The following SH3RF1 variants were observed in gnomAD, a reference collection of about 807,000 sequenced individuals.
The protein encoded by SH3RF1 is SH3 domain containing ring finger 1, also known as E3 ubiquitin-protein ligase SH3RF1.
In SH3RF1, 32 loss-of-function variants were observed where a neutral mutation model predicts 74.0. The observed-to-expected ratio is 0.43, with a 90% CI of 0.33 to 0.58. SH3RF1 has a LOEUF of 0.58. SH3RF1 is among the 20% of genes least tolerant of loss of function. The pLI is 0.05. For synonymous variants in SH3RF1, 396 were observed against 439.6 expected, an observed-to-expected ratio of 0.90 and a Z score of 1.24; for missense variants, 954 against 1,130.9, an observed-to-expected ratio of 0.84 and a Z score of 2.24.
At chr4:169,232,246 G>A (rs368748546) in intron 2 of SH3RF1, among the ~76,000 whole-genome samples, 20 of 152,300 alleles carry the variant, frequency 1.3e-4, no homozygotes, top group African/African-American at 3.8e-4. Context: ...TTTTAAAAGG[G>A]AATGATGTTC....
intron 2 of SH3RF1, among the ~76,000 whole-genome samples, chr4:169,234,538 T>C (rs1216848199): frequency 6.6e-6 from 1 of 152,226 alleles, no homozygotes; most frequent in East Asian, 1.9e-4. Flanking sequence ...GATATCCTAA[T>C]AGCTGCTTTC....
At chr4:169,212,555 A>G (rs1259664348) in intron 2 of SH3RF1, among the ~76,000 whole-genome samples, 2 of 152,232 alleles carry the variant, frequency 1.3e-5, no homozygotes, top group East Asian at 3.9e-4. Flanking sequence ...ACTCTTTTAC[A>G]GCAGTTTTAG....
At chr4:169,180,069 A>G (rs906230322) in intron 2 of SH3RF1, among the ~76,000 whole-genome samples, 4 of 152,230 alleles carry the variant, frequency 2.6e-5, no homozygotes, top group Non-Finnish European at 4.4e-5. Context: ...AAGCAGAAAC[A>G]AAAGAAAAAA....
intron 2 of SH3RF1, among the ~76,000 whole-genome samples, chr4:169,216,043 A>G (rs532339245): frequency 1.3e-5 from 2 of 152,252 alleles, no homozygotes; most frequent in South Asian, 4.2e-4. Context: ...AGCTCAAGAG[A>G]TCTGCCCACC....
At chr4:169,126,773 T>G (rs945276591) in intron 6 of SH3RF1, among the ~76,000 whole-genome samples, 1 of 152,024 alleles carries the variant, frequency 6.6e-6, no homozygotes, top group South Asian at 2.1e-4. Flanking sequence ...TTTTTTTTTG[T>G]AGAGACAGGG....
At chr4:169,165,145 A>C (rs1418193306) in intron 2 of SH3RF1, among the ~76,000 whole-genome samples, 1 of 152,218 alleles carries the variant, frequency 6.6e-6, no homozygotes, top group Non-Finnish European at 1.5e-5. Flanking sequence ...ATTTCCTGGG[A>C]AAAGGTCAAG....
At chr4:169,103,015 G>A (rs934793911) in intron 11 of SH3RF1, among the ~76,000 whole-genome samples, 9 of 133,776 alleles carry the variant, frequency 6.7e-5, no homozygotes, top group African/African-American at 1.4e-4. Context: ...TCCACCTCCC[G>A]GGTTCAAGCA....
chr4:169,121,967 T>C, intron 7 of SH3RF1, 133 bp downstream of exon 7: 1 of 1,165,992 alleles, frequency 8.6e-7, no homozygotes, highest in Non-Finnish European at 1.2e-6. Flanking sequence ...AGGTAGAAGT[T>C]TGCAGGACAC....
intron 5 of SH3RF1, among the ~76,000 whole-genome samples, chr4:169,132,173 T>G (rs941944826): frequency 3.9e-5 from 6 of 152,218 alleles, no homozygotes; most frequent in African/African-American, 1.4e-4. Context: ...TAACAGACAT[T>G]ATTATCAAGG....
intron 2 of SH3RF1, among the ~76,000 whole-genome samples, chr4:169,261,419 AG>A (rs1412511819): frequency 6.6e-6 from 1 of 152,200 alleles, no homozygotes; most frequent in Admixed American, 6.5e-5. Flanking sequence ...ATGAGGTCCC[AG>A]GGAAAATGTT....
chr4:169,242,225 T>C (rs937047753), intron 2 of SH3RF1, among the ~76,000 whole-genome samples: 1 of 152,188 alleles, frequency 6.6e-6, no homozygotes, highest in African/African-American at 2.4e-5. Context: ...CAATCATTGA[T>C]CTGATGTATA....
chr4:169,165,260 G>A (rs902115595), intron 2 of SH3RF1, among the ~76,000 whole-genome samples: 1 of 152,108 alleles, frequency 6.6e-6, no homozygotes, highest in Non-Finnish European at 1.5e-5. Context: ...GAGCTAAATA[G>A]GGAGGAATGA....
chr4:169,117,553 C>T lies in SH3RF1; in HGVS notation c.1747G>A (p.Val583Ile). The change falls in exon 9 of 12, where the codon GTC becomes ATC. Residue 583 changes from valine to isoleucine, a missense_variant. By Grantham distance (29) the Val-to-Ile change is conservative. Transcript: ENST00000284637. Reference sequence around the variant, plus strand: ...CTCACAGCATTGCGGGCCTGGTTGACTGTCATTTGCCCCGTCATGTGCAAC... The same window carrying T: ...CTCACAGCATTGCGGGCCTGGTTGATTGTCATTTGCCCCGTCATGTGCAAC... Reference protein sequence around the residue: ...VLLHMTGQMTVNQARNAVRTV... With the variant: ...VLLHMTGQMTINQARNAVRTV... 2 of 1,614,262 alleles carry T rather than the reference C, an allele frequency of 1.2e-6. No individual in the cohort carries two copies. The highest frequency in any genetic ancestry group is 1.7e-6 in the Non-Finnish European group (2 of 1,180,054).
chr4:169,267,316 CTAAT>C (rs1731369402), intron 2 of SH3RF1, among the ~76,000 whole-genome samples: 1 of 152,174 alleles, frequency 6.6e-6, no homozygotes. Flanking sequence ...CTTCCCTAGT[CTAAT>C]TAACAGGGAA....
chr4:169,187,034 A>G (rs559133548), intron 2 of SH3RF1, among the ~76,000 whole-genome samples: 1 of 151,738 alleles, frequency 6.6e-6, no homozygotes, highest in African/African-American at 2.4e-5. Context: ...AATGAAAAAG[A>G]AAAAAAGAAA....
intron 2 of SH3RF1, among the ~76,000 whole-genome samples, chr4:169,238,346 G>A (rs1730851564): frequency 6.6e-6 from 1 of 152,156 alleles, no homozygotes; most frequent in South Asian, 2.1e-4. Context: ...GCTAGCACTG[G>A]CCAAATACAG....
rs140758406 is a variant in SH3RF1 at position 169,116,580 on chromosome 4, C to G, written c.1828G>C (p.Val610Leu). The G allele has an allele frequency of 1.3e-6, 2 of 1,587,988 alleles. No homozygotes were observed. Among genetic ancestry groups the G allele is most frequent in the African/African-American group, 2.7e-5 (2 of 74,620 alleles). ...RPTAAVTPIQ[V>L]QNAAGLSPAS... ...GGGCTGAGGCCGGCGGCATTCTGTA[C>G]CTGGATGGGTGTCACTGCTGCCGTG... The change falls in exon 10 of 12, where the codon GTA (valine) becomes CTA (leucine). Residue 610 changes from valine (V) to leucine (L), a missense_variant. Transcript: ENST00000284637.
intron 5 of SH3RF1, among the ~76,000 whole-genome samples, chr4:169,135,718 T>C (rs1430326350): frequency 6.6e-6 from 1 of 152,190 alleles, no homozygotes; most frequent in Non-Finnish European, 1.5e-5. Flanking sequence ...AATGCCCCAG[T>C]CATCCCATGT....
intron 2 of SH3RF1, among the ~76,000 whole-genome samples, chr4:169,212,501 T>C (rs540481498): frequency 6.6e-6 from 1 of 152,206 alleles, no homozygotes; most frequent in African/African-American, 2.4e-5. Flanking sequence ...TATATGTTTT[T>C]TCCCTTTTCA....
Sources: gnomAD v4.1 joint callset for allele counts (sites outside exome capture counted in the v4.1 genomes callset) on GRCh38, gnomAD v4.1.1 for gene constraint, MANE v1.5 for transcripts, NCBI Gene and HGNC (gene_info 2026-07-23, HGNC 2026-07-21) for gene names.